The following NTM variants were observed in gnomAD, a reference collection of about 807,000 sequenced individuals.
The protein encoded by NTM is neurotrimin.
In NTM, 13 loss-of-function variants were observed where a neutral mutation model predicts 42.1. That is an observed-to-expected ratio of 0.31 (90% CI 0.20 to 0.49). The LOEUF (loss-of-function observed/expected upper bound fraction) is 0.49. NTM is among the 20% of genes least tolerant of loss of function. The pLI, the probability that NTM is intolerant of heterozygous loss-of-function variation, is 0.99. For missense variants in NTM, 373 were observed against 452.8 expected (o/e 0.82, Z 1.60); for synonymous variants, 187 against 179.2 (o/e 1.04, Z -0.35).
At chr11:131,657,915 G>A (rs1341266312) in intron 1 of NTM, among the ~76,000 whole-genome samples, 1 of 152,208 alleles carries the variant, frequency 6.6e-6, no homozygotes, top group East Asian at 1.9e-4. Flanking sequence ...AAGGCAGGCA[G>A]CAAGCTGTTG....
At position 132,043,460 on chromosome 11, in the gene NTM, T is replaced by A. The variant is rs2077475034; in HGVS notation, c.168-102822T>A. 2.0e-5 allele frequency among the ~76,000 whole-genome samples: 3 copies of A among 152,294 alleles called. No homozygotes were observed. In the South Asian group the frequency reaches 6.2e-4, roughly 32 times the overall value. On this transcript the variant is annotated intron_variant, in intron 2 of 8. Coordinates refer to ENST00000683400, the MANE Select transcript of NTM (RefSeq NM_001352005.2). Reference sequence around the variant, plus strand: ...AGAGCTCATCAAGCCCCTTCCTGCATCCTCTGTCACTGTACAATTATTGAA... The same window carrying A: ...AGAGCTCATCAAGCCCCTTCCTGCAACCTCTGTCACTGTACAATTATTGAA...
intron 2 of NTM, among the ~76,000 whole-genome samples, chr11:131,973,204 A>C (rs2063807710): frequency 6.6e-6 from 1 of 152,232 alleles, no homozygotes; most frequent in Admixed American, 6.5e-5. Flanking sequence ...AAACACAGTC[A>C]GATGTCATAT....
At chr11:131,699,300 A>G (rs915760221) in intron 1 of NTM, among the ~76,000 whole-genome samples, 2 of 152,214 alleles carry the variant, frequency 1.3e-5, no homozygotes, top group African/African-American at 4.8e-5. Context: ...CACCTACAAT[A>G]ATCAGGCACT....
chr11:131,765,781 A>C (rs1375761504), intron 1 of NTM, among the ~76,000 whole-genome samples: 2 of 152,184 alleles, frequency 1.3e-5, no homozygotes, highest in Non-Finnish European at 2.9e-5. Flanking sequence ...TGTCAATCTA[A>C]AAAGAATTAA....
intron 1 of NTM, among the ~76,000 whole-genome samples, chr11:131,630,318 T>G (rs10791158): frequency 0.51 from 77,429 of 151,996 alleles, 21,748 homozygotes; most frequent in Non-Finnish European, 0.63. Flanking sequence ...ATATATATTG[T>G]TTTCTCTCTG....
chr11:131,729,967 A>C (rs1312520779), intron 1 of NTM, among the ~76,000 whole-genome samples: 1 of 152,168 alleles, frequency 6.6e-6, no homozygotes. Context: ...TGTAGGAGTA[A>C]AATTGCTAGG....
intron 1 of NTM, chr11:131,537,539 A>C (rs1257315814): frequency 6.6e-6 from 1 of 152,220 alleles, no homozygotes. Context: ...TTATTACTTA[A>C]GGTCCTTCCT....
chr11:131,845,915 T>C (rs1172579420), intron 1 of NTM, among the ~76,000 whole-genome samples: 1 of 152,178 alleles, frequency 6.6e-6, no homozygotes, highest in Non-Finnish European at 1.5e-5. Flanking sequence ...TCTAGATAAA[T>C]AAGTGATCTG....
At chr11:131,519,942 G>T (rs1348640890) in intron 1 of NTM, among the ~76,000 whole-genome samples, 2 of 150,596 alleles carry the variant, frequency 1.3e-5, no homozygotes, top group African/African-American at 2.5e-5. Context: ...TTATTTCTTG[G>T]TTAGCACCTA....
chr11:131,661,378 A>AG, intron 1 of NTM: 1 of 161,452 alleles, frequency 6.2e-6, no homozygotes, highest in Admixed American at 6.0e-5. Context: ...CATTCCAGGA[A>AG]GGAAAATCAA....
chr11:132,124,822 C>CA (rs370335815), intron 2 of NTM, among the ~76,000 whole-genome samples: 62 of 152,126 alleles, frequency 4.1e-4, no homozygotes, highest in African/African-American at 1.2e-3. Context: ...TCTACAAAAA[C>CA]AAAAAAACAA....
chr11:131,843,875 G>T (rs940105131), intron 1 of NTM, among the ~76,000 whole-genome samples: 1 of 151,006 alleles, frequency 6.6e-6, no homozygotes, highest in Non-Finnish European at 1.5e-5. Flanking sequence ...TCTCTTATTG[G>T]TTGGTTGGGA....
At chr11:132,227,480 G>A (rs902604453) in intron 4 of NTM, among the ~76,000 whole-genome samples, 19 of 152,072 alleles carry the variant, frequency 1.2e-4, no homozygotes, top group Admixed American at 1.1e-3. Flanking sequence ...GGAGGAGAGT[G>A]TGAGTTCAGG....
chr11:132,224,855 G>A (rs1309229759), intron 4 of NTM, among the ~76,000 whole-genome samples: 1 of 152,228 alleles, frequency 6.6e-6, no homozygotes, highest in Non-Finnish European at 1.5e-5. Context: ...GGCTGGGAAA[G>A]ACGACCAGGT....
chr11:131,488,874 A>G (rs990458669), intron 1 of NTM, among the ~76,000 whole-genome samples: 4 of 152,216 alleles, frequency 2.6e-5, no homozygotes, highest in Non-Finnish European at 5.9e-5. Context: ...ATATAATGCT[A>G]ATACAAGCGC....
rs142126437 is a variant in NTM at position 132,148,194 on chromosome 11, T to C, written c.400+1680T>C. ...TTGAACTGATGCATGCAAACAGCAA[T>C]TTTAAAGAAAATAGAATTGCATAGA... On this transcript the variant is annotated intron_variant, in intron 3 of 8. Coordinates refer to ENST00000683400, the MANE Select transcript of NTM (RefSeq NM_001352005.2). Among the ~76,000 whole-genome samples, 774 of 152,362 alleles carry C rather than the reference T, an allele frequency of 5.1e-3. 1 individual carries two copies. The highest frequency in any genetic ancestry group is 9.3e-3 in the South Asian group (45 of 4,830).
rs540886310 is a variant in NTM, at chr11:131,896,849, G to C, written c.83-14715G>C. Among the ~76,000 whole-genome samples the C allele has an allele frequency of 8.6e-5, 13 of 151,888 alleles. No homozygotes were observed. The South Asian group carries it at 1.3e-3, about 15-fold the overall frequency. ...GACTACAGGCGCCCGCCACCAAGCC[G>C]GGCTAATTTTTTGTATTTTTATTGG... On this transcript the variant is annotated intron_variant, in intron 1 of 8. Transcript: ENST00000683400.
intron 2 of NTM, among the ~76,000 whole-genome samples, chr11:132,005,607 A>G (rs960348332): frequency 2.6e-5 from 4 of 152,226 alleles, no homozygotes; most frequent in Non-Finnish European, 4.4e-5. Flanking sequence ...TACTCCTGAC[A>G]GATAGTGGGG....
chr11:131,795,515 C>T (rs993714761), intron 1 of NTM: 12 of 985,218 alleles, frequency 1.2e-5, no homozygotes, highest in East Asian at 1.1e-4. Flanking sequence ...CTTGTTTATT[C>T]GTCTGTCTCA....
Sources: gnomAD v4.1 joint callset for allele counts (sites outside exome capture counted in the v4.1 genomes callset) on GRCh38, gnomAD v4.1.1 for gene constraint, MANE v1.5 for transcripts, NCBI Gene and HGNC (gene_info 2026-07-23, HGNC 2026-07-21) for gene names.